Variants in FRMD3 observed in about 807,000 individuals in gnomAD.
FRMD3 encodes the protein FERM domain-containing protein 3.
Under a neutral mutation model 70.2 loss-of-function variants are expected in FRMD3, and 33 were observed. The observed-to-expected ratio is 0.47, with a 90% CI of 0.36 to 0.63. The LOEUF is 0.63. Ranked by LOEUF, FRMD3 falls within the 20% of genes least tolerant of loss-of-function variation. FRMD3 has a pLI of 0.00. For synonymous variants in FRMD3, 279 were observed against 255.9 expected (o/e 1.09, Z -0.86); for missense variants, 632 against 711.4 (o/e 0.89, Z 1.27).
At chr9:83,324,579 A>G (rs1428050545) in intron 6 of FRMD3, among the ~76,000 whole-genome samples, 3 of 152,242 alleles carry the variant, frequency 2.0e-5, no homozygotes, top group African/African-American at 7.2e-5. Flanking sequence ...AATATTACGC[A>G]GTCCACAAGG....
chr9:83,479,299 AAGAAGG>A lies in FRMD3; in HGVS notation c.147+58780_147+58785del, dbSNP rs764142547. On this transcript the variant is annotated intron_variant, in intron 1 of 13. Coordinates refer to ENST00000304195, the MANE Select transcript of FRMD3 (RefSeq NM_174938.6). ...ACTGTGTCTCTAAAAGAAGAAGAAG[AAGAAGG>A]AGAAGGAGAAGGAGGAGAAGAAGGG... Among the ~76,000 whole-genome samples the A allele has an allele frequency of 4.5e-4, 67 of 147,412 alleles. No homozygotes were observed. In the Middle Eastern group the frequency reaches 0.021, roughly 46 times the overall value.
intron 1 of FRMD3, among the ~76,000 whole-genome samples, chr9:83,455,642 AAT>A: frequency 6.6e-6 from 1 of 152,208 alleles, no homozygotes. Context: ...AAAACAGACT[AAT>A]ATATATATAC....
At chr9:83,316,965 G>A (rs1835604401) in intron 6 of FRMD3, among the ~76,000 whole-genome samples, 1 of 152,084 alleles carries the variant, frequency 6.6e-6, no homozygotes, top group Admixed American at 6.6e-5. Context: ...CACACTTTGG[G>A]AGGCTAAGGT....
chr9:83,506,391 T>C lies in FRMD3; in HGVS notation c.147+31694A>G, dbSNP rs142156673. ...ACAAACCCAGCTGTACAGACTACTATGCACCCAGGCTATGTGCTATGTGGT... is the reference window on the plus strand; with the variant it reads ...ACAAACCCAGCTGTACAGACTACTACGCACCCAGGCTATGTGCTATGTGGT... On this transcript the variant is annotated intron_variant, in intron 1 of 13. Transcript: ENST00000304195. 3.9e-5 allele frequency among the ~76,000 whole-genome samples: 6 copies of C among 152,368 alleles called. No homozygotes were observed. The East Asian group carries it at 1.2e-3, about 29-fold the overall frequency.
Position 83,246,050 on chromosome 9 carries a change from G to C in FRMD3, c.*1868C>G. 1 of 985,346 alleles carries C rather than the reference G, an allele frequency of 1.0e-6. No individual in the cohort carries two copies. Among genetic ancestry groups the C allele is most frequent in the Non-Finnish European group, 1.2e-6 (1 of 829,918 alleles). 61.0% of individuals were successfully genotyped at this position (985,346 alleles called of 1,614,324 possible). The stretch of plus-strand genomic sequence containing the variant: ...ATATATAGTCATTTGCTCGACTGCA[G>C]GCTTCACGAACTGAGTTTCAAAACT... On this transcript the variant is annotated 3_prime_UTR_variant, in exon 14 of 14. Coordinates refer to ENST00000304195, the MANE Select transcript of FRMD3 (RefSeq NM_174938.6).
chr9:83,249,031 C>T (rs1832273969), intron 13 of FRMD3, among the ~76,000 whole-genome samples: 1 of 152,140 alleles, frequency 6.6e-6, no homozygotes, highest in South Asian at 2.1e-4. Context: ...TTAAATCATG[C>T]TCCTTGCATT....
At chr9:83,521,957 ATCT>A (rs993182465) in intron 1 of FRMD3, among the ~76,000 whole-genome samples, 9 of 152,194 alleles carry the variant, frequency 5.9e-5, no homozygotes, top group Admixed American at 3.9e-4. Flanking sequence ...ACTCCAGAAA[ATCT>A]TCTTGGCCCT....
chr9:83,345,552 T>C (rs1014458285), intron 4 of FRMD3, among the ~76,000 whole-genome samples: 2 of 152,026 alleles, frequency 1.3e-5, no homozygotes, highest in Non-Finnish European at 2.9e-5. Flanking sequence ...GGTCAACAGA[T>C]GGAGACCATC....
At chr9:83,397,642 G>A (rs1189121833) in intron 1 of FRMD3, among the ~76,000 whole-genome samples, 2 of 152,164 alleles carry the variant, frequency 1.3e-5, no homozygotes, top group South Asian at 2.1e-4. Context: ...ACAGAAGTGG[G>A]AGCTGTGAGG....
intron 13 of FRMD3, among the ~76,000 whole-genome samples, chr9:83,288,833 A>T (rs146359978): frequency 6.6e-6 from 1 of 152,354 alleles, no homozygotes; most frequent in African/African-American, 2.4e-5. Flanking sequence ...CCCTAACTGA[A>T]TGGGATGAAG....
At chr9:83,317,561 T>C (rs1038108039) in intron 6 of FRMD3, among the ~76,000 whole-genome samples, 1 of 152,226 alleles carries the variant, frequency 6.6e-6, no homozygotes, top group East Asian at 1.9e-4. Context: ...ATGTCATTTA[T>C]TCATAAAACT....
chr9:83,323,184 C>T (rs948304623), intron 6 of FRMD3, among the ~76,000 whole-genome samples: 4 of 152,128 alleles, frequency 2.6e-5, no homozygotes, highest in African/African-American at 7.2e-5. Context: ...TAGTTATATA[C>T]ACAACAGAAA....
intron 1 of FRMD3, among the ~76,000 whole-genome samples, chr9:83,494,584 A>G (rs767140856): frequency 6.6e-6 from 1 of 152,222 alleles, no homozygotes; most frequent in African/African-American, 2.4e-5. Context: ...ATAGTGACAC[A>G]TGTTCCTTTT....
At chr9:83,293,234 T>C (rs982686124) in intron 12 of FRMD3, among the ~76,000 whole-genome samples, 1 of 152,122 alleles carries the variant, frequency 6.6e-6, no homozygotes, top group Non-Finnish European at 1.5e-5. Flanking sequence ...TCTTCTTTTA[T>C]TGTGAAGGGT....
chr9:83,453,083 T>A (rs893449299), intron 1 of FRMD3, among the ~76,000 whole-genome samples: 1 of 151,966 alleles, frequency 6.6e-6, no homozygotes, highest in Non-Finnish European at 1.5e-5. Flanking sequence ...CTCAAACTCC[T>A]GGCCTCAAGT....
chr9:83,244,991 A>G lies in FRMD3; in HGVS notation c.*2927T>C. 2 of 982,736 alleles carry G rather than the reference A, an allele frequency of 2.0e-6. No homozygotes were observed. The highest frequency in any genetic ancestry group is 2.4e-6 in the Non-Finnish European group (2 of 827,528). 60.9% of individuals were successfully genotyped at this position (982,736 alleles called of 1,614,324 possible). On this transcript the variant is annotated 3_prime_UTR_variant, in exon 14 of 14. Coordinates refer to ENST00000304195, the MANE Select transcript of FRMD3 (RefSeq NM_174938.6). Reference sequence around the variant, plus strand: ...CCATATGTGTGTGTGTATTATATATATTTATTTATATCCACAAATGTACAC... The same window carrying G: ...CCATATGTGTGTGTGTATTATATATGTTTATTTATATCCACAAATGTACAC...
At chr9:83,344,577 G>A (rs1320016347) in intron 4 of FRMD3, among the ~76,000 whole-genome samples, 1 of 152,278 alleles carries the variant, frequency 6.6e-6, no homozygotes, top group East Asian at 1.9e-4. Flanking sequence ...CTGCCTGACT[G>A]CTTAAGCTGG....
intron 13 of FRMD3, among the ~76,000 whole-genome samples, chr9:83,275,738 T>A (rs2118854210): frequency 6.6e-6 from 1 of 152,144 alleles, no homozygotes; most frequent in East Asian, 1.9e-4. Flanking sequence ...TAAACCCTCA[T>A]GAATAAAACT....
the FRMD3 span, among the ~76,000 whole-genome samples, chr9:83,559,140 A>G: frequency 6.6e-6 from 1 of 152,208 alleles, no homozygotes; most frequent in African/African-American, 2.4e-5. Flanking sequence ...AAGACATTCT[A>G]TTGTGGATTA....
Sources: allele counts gnomAD v4.1 joint callset (sites outside exome capture counted in the v4.1 genomes callset), GRCh38; gene constraint gnomAD v4.1.1; transcripts MANE v1.5; gene names NCBI Gene and HGNC (gene_info 2026-07-23, HGNC 2026-07-21).